The following CCR3 variants were observed in gnomAD, a reference collection of about 807,000 sequenced individuals.
CCR3 encodes the protein C-C motif chemokine receptor 3, also known as C-C chemokine receptor type 3.
For missense variants in CCR3, 419 were observed against 437.5 expected, an observed-to-expected ratio of 0.96 and a Z score of 0.38; for synonymous variants, 203 against 179.2, an observed-to-expected ratio of 1.13 and a Z score of -1.06.
At chr3:46,261,321 T>C (rs1700521767) in intron 1 of CCR3, among the ~76,000 whole-genome samples, 1 of 152,166 alleles carries the variant, frequency 6.6e-6, no homozygotes, top group Non-Finnish European at 1.5e-5. Flanking sequence ...AATCATCTAA[T>C]AAATCTACAA....
intron 2 of CCR3, among the ~76,000 whole-genome samples, chr3:46,220,875 G>A (rs1699827997): frequency 6.6e-6 from 1 of 152,172 alleles, no homozygotes; most frequent in Admixed American, 6.5e-5. Context: ...AGAGACAAGG[G>A]ATTAAAGACT....
At chr3:46,248,759 A>G (rs887404868) in intron 1 of CCR3, among the ~76,000 whole-genome samples, 3 of 152,200 alleles carry the variant, frequency 2.0e-5, no homozygotes, top group African/African-American at 7.2e-5. Flanking sequence ...GCTGGGATGA[A>G]GGGTGCAAAG....
chr3:46,250,567 G>A (rs774448212), intron 1 of CCR3, among the ~76,000 whole-genome samples: 2 of 152,144 alleles, frequency 1.3e-5, no homozygotes, highest in Non-Finnish European at 2.9e-5. Flanking sequence ...CTTGTAGGAT[G>A]GAGAAATCGA....
intron 2 of CCR3, among the ~76,000 whole-genome samples, chr3:46,234,889 G>C (rs1003200744): frequency 6.6e-6 from 1 of 152,220 alleles, no homozygotes; most frequent in African/African-American, 2.4e-5. Flanking sequence ...TACAGTGAGT[G>C]GTGAGGATGG....
At chr3:46,216,264 C>T (rs1377959277) in intron 2 of CCR3, among the ~76,000 whole-genome samples, 4 of 152,266 alleles carry the variant, frequency 2.6e-5, no homozygotes, top group South Asian at 4.1e-4. Context: ...TGACACGAAA[C>T]GCCCCCCAGG....
At chr3:46,250,914 G>A (rs558634429) in intron 1 of CCR3, among the ~76,000 whole-genome samples, 3 of 151,908 alleles carry the variant, frequency 2.0e-5, no homozygotes, top group Non-Finnish European at 4.4e-5. Flanking sequence ...AGGGATTGGG[G>A]CACAGAGATA....
At chr3:46,255,061 A>AT (rs35385049) in intron 1 of CCR3, among the ~76,000 whole-genome samples, 14 of 150,770 alleles carry the variant, frequency 9.3e-5, no homozygotes, top group Non-Finnish European at 1.0e-4. Context: ...GCCAACATCT[A>AT]TTTTTTTTTT....
intron 1 of CCR3, chr3:46,263,761 C>G (rs1184985879): frequency 6.6e-6 from 1 of 152,350 alleles, no homozygotes; most frequent in Non-Finnish European, 1.5e-5. Flanking sequence ...AAGGGCTTGT[C>G]CAAGGCACGC....
At chr3:46,236,579 C>G (rs1239229542) in intron 2 of CCR3, among the ~76,000 whole-genome samples, 1 of 152,254 alleles carries the variant, frequency 6.6e-6, no homozygotes, top group Non-Finnish European at 1.5e-5. Flanking sequence ...CTTATCTTCT[C>G]TTTTGCAGAC....
chr3:46,218,630 A>G (rs1575484860), intron 2 of CCR3, among the ~76,000 whole-genome samples: 2 of 152,322 alleles, frequency 1.3e-5, no homozygotes, highest in Non-Finnish European at 2.9e-5. Context: ...GTAATGCACC[A>G]TAATCAAGTG....
At chr3:46,225,810 A>T (rs979831278) in intron 2 of CCR3, among the ~76,000 whole-genome samples, 1 of 152,156 alleles carries the variant, frequency 6.6e-6, no homozygotes, top group Admixed American at 6.5e-5. Flanking sequence ...CTAAACAAAT[A>T]TTTTGTTAGA....
chr3:46,216,134 T>C (rs1450265135), intron 2 of CCR3, among the ~76,000 whole-genome samples: 1 of 152,246 alleles, frequency 6.6e-6, no homozygotes, highest in Non-Finnish European at 1.5e-5. Context: ...GCAATTCCAC[T>C]TTTATGAATT....
intron 2 of CCR3, among the ~76,000 whole-genome samples, chr3:46,234,932 T>C (rs1288451194): frequency 6.6e-6 from 1 of 152,230 alleles, no homozygotes; most frequent in Non-Finnish European, 1.5e-5. Flanking sequence ...GGTGGAGGGC[T>C]CACGCCCATG....
Position 46,266,605 on chromosome 3 carries a change from C to A in CCR3, c.*379C>A. ...TTGATATAAATAAAACATTTTCACA[C>A]AATACAATAAGTTAACTATTTTATT... is the stretch of plus-strand genomic sequence containing the variant. On this transcript the variant is annotated 3_prime_UTR_variant, in exon 2 of 2. Coordinates refer to ENST00000395940, the MANE Select transcript of CCR3 (RefSeq NM_178329.3). 1 of 188,854 alleles carries A rather than the reference C, an allele frequency of 5.3e-6. No homozygotes were observed. The allele number at this position is 188,854 out of a possible 1,614,324, so 11.7% of individuals were successfully genotyped here.
At chr3:46,212,823 G>C (rs1575482097) in intron 2 of CCR3, among the ~76,000 whole-genome samples, 1 of 152,128 alleles carries the variant, frequency 6.6e-6, no homozygotes, top group African/African-American at 2.4e-5. Flanking sequence ...CATCCAAGAG[G>C]CTGCCTCCTC....
chr3:46,218,731 A>G (rs1390439675), intron 2 of CCR3, among the ~76,000 whole-genome samples: 1 of 152,158 alleles, frequency 6.6e-6, no homozygotes, highest in Non-Finnish European at 1.5e-5. Flanking sequence ...CAAAAATCAT[A>G]TAATCATCTC....
chr3:46,235,941 G>A (rs983346560), intron 2 of CCR3, among the ~76,000 whole-genome samples: 3 of 152,150 alleles, frequency 2.0e-5, no homozygotes, highest in Admixed American at 2.0e-4. Context: ...CATTATTTTT[G>A]TTCATGTTGC....
At position 46,265,638 on chromosome 3, in the gene CCR3, G is replaced by A. The variant is rs569361391; in HGVS notation, c.480G>A (p.Leu160=). ...GVITSIVTWG[L]AVLAALPEFI... is the part of the protein sequence containing the mutation. Reference sequence around the variant, plus strand: ...TCACCAGCATCGTCACCTGGGGCCTGGCAGTGCTAGCAGCTCTTCCTGAAT... The same window carrying A: ...TCACCAGCATCGTCACCTGGGGCCTAGCAGTGCTAGCAGCTCTTCCTGAAT... Residue 160 remains leucine (L), a synonymous_variant, in exon 2 of 2, where the codon CTG becomes CTA. Transcript: ENST00000395940. The A allele has an allele frequency of 3.1e-6, 5 of 1,614,120 alleles. No individual in the cohort carries two copies. In the South Asian group the frequency reaches 5.5e-5, roughly 18 times the overall value.
intron 2 of CCR3, among the ~76,000 whole-genome samples, chr3:46,220,888 ACGC>A (rs1430255201): frequency 5.3e-5 from 8 of 152,172 alleles, no homozygotes; most frequent in Non-Finnish European, 1.0e-4. Flanking sequence ...TAAAGACTAC[ACGC>A]TGGGTGCAGT....
Sources: allele counts gnomAD v4.1 joint callset (sites outside exome capture counted in the v4.1 genomes callset), GRCh38; gene constraint gnomAD v4.1.1; transcripts MANE v1.5; gene names NCBI Gene and HGNC (gene_info 2026-07-23, HGNC 2026-07-21).